MMEL1: variants seen among roughly 807,000 people sequenced by gnomAD.
The protein encoded by MMEL1 is membrane metallo-endopeptidase-like 1.
A neutral mutation model predicts 117.1 loss-of-function variants in MMEL1; 98 were observed. The ratio of observed to expected loss-of-function variants is 0.84; its 90% CI spans 0.71 to 0.99. MMEL1 has a LOEUF of 0.99. Ranked by LOEUF, MMEL1 falls within the 50% of genes least tolerant of loss-of-function variation. The pLI is 0.00. For synonymous variants in MMEL1, 390 were observed against 415.1 expected, an observed-to-expected ratio of 0.94 and a Z score of 0.74; for missense variants, 1,014 against 1,049.1, an observed-to-expected ratio of 0.97 and a Z score of 0.46.
At chr1:2,594,728 G>A (rs1644803682) in intron 17 of MMEL1, 62 bp downstream of exon 17, 1 of 1,428,644 alleles carries the variant, frequency 7.0e-7, no homozygotes. Flanking sequence ...AGGCAGCCCT[G>A]CACGCCTTAC....
chr1:2,626,823 T>C (rs1232742554), intron 2 of MMEL1, among the ~76,000 whole-genome samples: 1 of 151,888 alleles, frequency 6.6e-6, no homozygotes, highest in African/African-American at 2.4e-5. Context: ...ATAGAGGAAA[T>C]AATGATAGGT....
Position 2,595,306 on chromosome 1 carries a change from C to A in MMEL1, c.1554G>T (p.Met518Ile). 2 of 1,613,838 alleles carry A rather than the reference C, an allele frequency of 1.2e-6. No individual in the cohort carries two copies. The highest frequency in any genetic ancestry group is 1.7e-6 in the Non-Finnish European group (2 of 1,180,002). ...IGHPDYILEE[M>I]NRRLDEEYSN... ...AGTACTCCTCGTCCAGGCGCCTGTT[C>A]ATCTCCTCCAGGATGTAGTCAGGGT... Residue 518 changes from methionine to isoleucine, a missense_variant, in exon 16 of 24, where the codon ATG (methionine) becomes ATT (isoleucine). Met to Ile is a conservative substitution (Grantham distance 10). Coordinates refer to ENST00000378412, the MANE Select transcript of MMEL1 (RefSeq NM_033467.4). The surrounding 1 kb of genome is among the most constrained non-coding windows in gnomAD (Gnocchi z 4.8).
Position 2,595,626 on chromosome 1 carries a change from G to A in MMEL1, c.1501-267C>T, listed in dbSNP as rs1156517115. On this transcript the variant is annotated intron_variant, in intron 15 of 23. Coordinates refer to ENST00000378412, the MANE Select transcript of MMEL1 (RefSeq NM_033467.4). This position sits in a 1 kb window ranked among gnomAD's most constrained non-coding sequence, Gnocchi z 4.8. ...CCCGCCAGGGGTCCGGGTGGGGGCAGGGGCCCTGGAGGGGTCACTCGGCTG... is the reference window on the plus strand; with the variant it reads ...CCCGCCAGGGGTCCGGGTGGGGGCAAGGGCCCTGGAGGGGTCACTCGGCTG... Among the ~76,000 whole-genome samples, 3 of 152,144 alleles carry A rather than the reference G, an allele frequency of 2.0e-5. No individual in the cohort carries two copies. The highest frequency in any genetic ancestry group is 7.2e-5 in the African/African-American group (3 of 41,432).
At position 2,596,030 on chromosome 1, in the gene MMEL1, G is replaced by A; in HGVS notation, c.1479C>T (p.Ser493=). The change falls in exon 15 of 24, where the codon TCC becomes TCT. Residue 493 remains serine (S), a synonymous_variant. Coordinates refer to ENST00000378412, the MANE Select transcript of MMEL1 (RefSeq NM_033467.4). ...ATACCTTCTCCTGCGCCTTCTTCTT[G>A]GACTCCTCGTCCATCCAGCCCAGCT... ...LDELGWMDEE[S]KKKAQEKAMS... 1 of 1,613,880 alleles carries A rather than the reference G, an allele frequency of 6.2e-7. No individual in the cohort carries two copies.
intron 2 of MMEL1, 100 bp downstream of exon 2, chr1:2,629,231 C>A (rs1638418172): frequency 7.7e-7 from 1 of 1,305,774 alleles, no homozygotes; most frequent in Non-Finnish European, 1.0e-6. Flanking sequence ...ATCTGACGGG[C>A]GGGCTCGGGC....
At chr1:2,618,958 C>T (rs572914196) in intron 2 of MMEL1, among the ~76,000 whole-genome samples, 24 of 152,306 alleles carry the variant, frequency 1.6e-4, no homozygotes, top group African/African-American at 5.3e-4. Context: ...CATGTGACTC[C>T]GTAGTTGCTC....
chr1:2,609,345 TCATGCAGGAGCGGTA>T lies in MMEL1; in HGVS notation c.514_528del (p.Tyr172_Met176del). ...CCTGGCGGCCCCCACTCACTCTGGTTCATGCAGGAGCGGTACAGCGTCCTGGCCTTCTCCACAGCC... is the reference window on the plus strand; with the variant it reads ...CCTGGCGGCCCCCACTCACTCTGGTTCAGCGTCCTGGCCTTCTCCACAGCC... On this transcript the variant is annotated inframe_deletion, in exon 6 of 24. Transcript: ENST00000378412. The T allele has an allele frequency of 6.2e-7, 1 of 1,611,096 alleles. No homozygotes were observed. Among genetic ancestry groups the T allele is most frequent in the Non-Finnish European group, 8.5e-7 (1 of 1,179,158 alleles).
At chr1:2,615,586 G>A (rs1645188425) in intron 2 of MMEL1, among the ~76,000 whole-genome samples, 1 of 152,182 alleles carries the variant, frequency 6.6e-6, no homozygotes, top group African/African-American at 2.4e-5. Context: ...GGGGAAATGT[G>A]AATTGAGTGT....
rs960027305 is a variant in MMEL1 at position 2,608,391 on chromosome 1, G to A, written c.535+948C>T. 3.3e-5 allele frequency among the ~76,000 whole-genome samples: 5 copies of A among 152,174 alleles called. No individual in the cohort carries two copies. In the East Asian group the frequency reaches 7.7e-4, roughly 23 times the overall value. On this transcript the variant is annotated intron_variant, in intron 6 of 23. Coordinates refer to ENST00000378412, the MANE Select transcript of MMEL1 (RefSeq NM_033467.4). ...TCCAAGCACGTGAATTCCTTTAATA[G>A]GAACTGAAACATGGATAATCTGCCC...
At position 2,606,318 on chromosome 1, in the gene MMEL1, A is replaced by G; in HGVS notation, c.680T>C (p.Phe227Ser). The change falls in exon 8 of 24, where the codon TTC (phenylalanine) becomes TCC (serine). Residue 227 changes from phenylalanine to serine, a missense_variant. Phe to Ser is a radical substitution (Grantham distance 155). Coordinates refer to ENST00000378412, the MANE Select transcript of MMEL1 (RefSeq NM_033467.4). The stretch of plus-strand genomic sequence containing the variant: ...GAGGTCGATGAGGACGCGCCTGTTG[A>G]ACTGTGAGTTCATCAGCGCCAGCTG... ...ERQLALMNSQ[F>S]NRRVLIDLFI... The G allele has an allele frequency of 6.2e-7, 1 of 1,612,850 alleles. No homozygotes were observed. Among genetic ancestry groups the G allele is most frequent in the Non-Finnish European group, 8.5e-7 (1 of 1,179,932 alleles).
rs545751867 is a variant in MMEL1, at chr1:2,594,223, G to C, written c.1747+162C>G. 5 of 883,092 alleles carry C rather than the reference G, an allele frequency of 5.7e-6. No individual in the cohort carries two copies. In the Admixed American group the frequency reaches 6.4e-5, roughly 11 times the overall value. 54.7% of individuals were successfully genotyped at this position (883,092 alleles called of 1,614,324 possible). On this transcript the variant is annotated intron_variant, in intron 18 of 23. Coordinates refer to ENST00000378412, the MANE Select transcript of MMEL1 (RefSeq NM_033467.4). ...CTCCCGAAGCCGCTCATGGGCACGG[G>C]AGTGAGTGTTCCCCACGGGGGCAGC... is the stretch of plus-strand genomic sequence containing the variant.
At chr1:2,614,087 C>T (rs181214304) in intron 2 of MMEL1, among the ~76,000 whole-genome samples, 447 of 152,222 alleles carry the variant, frequency 2.9e-3, no homozygotes, top group Non-Finnish European at 4.7e-3. Flanking sequence ...CTATTCTGTA[C>T]GATACTGTGG....
intron 2 of MMEL1, among the ~76,000 whole-genome samples, chr1:2,625,011 C>T (rs1020310176): frequency 3.3e-5 from 5 of 152,172 alleles, no homozygotes; most frequent in Non-Finnish European, 5.9e-5. Flanking sequence ...ATCACGAGAA[C>T]TGCAAGAGGG....
At chr1:2,631,439 T>C (rs1007468577) in intron 1 of MMEL1, among the ~76,000 whole-genome samples, 2 of 150,492 alleles carry the variant, frequency 1.3e-5, no homozygotes, top group Non-Finnish European at 3.0e-5. Context: ...TGTCCCTGAC[T>C]CCCTGGGAGA....
At chr1:2,596,747 G>A (rs535402049) in intron 13 of MMEL1, 58 bp from the exon 14 acceptor site, 19 of 1,599,282 alleles carry the variant, frequency 1.2e-5, no homozygotes, top group East Asian at 8.9e-5. Context: ...CAGGCCTGGC[G>A]TGGGGCCCTG....
At position 2,591,735 on chromosome 1, in the gene MMEL1, G is replaced by A; in HGVS notation, c.2164-102C>T. 1.9e-5 allele frequency: 22 copies of A among 1,129,942 alleles called. No individual in the cohort carries two copies. In the South Asian group the frequency reaches 2.6e-4, roughly 13 times the overall value. 70.0% of individuals were successfully genotyped at this position (1,129,942 alleles called of 1,614,324 possible). Reference sequence around the variant, plus strand: ...CCCCAGGCTGCCCCTTCTAGGGTGGGGTGAGGGGAGTCAGCAGGTGCTCCC... The same window carrying A: ...CCCCAGGCTGCCCCTTCTAGGGTGGAGTGAGGGGAGTCAGCAGGTGCTCCC... On this transcript the variant is annotated intron_variant, in intron 22 of 23. Transcript: ENST00000378412.
In MMEL1 at chr1:2,595,202, A is replaced by G; in HGVS notation, c.1584+74T>C. 2 of 1,381,216 alleles carry G rather than the reference A, an allele frequency of 1.4e-6. No homozygotes were observed. The highest frequency in any genetic ancestry group is 2.0e-6 in the Non-Finnish European group (2 of 983,368). 85.6% of individuals were successfully genotyped at this position (1,381,216 alleles called of 1,614,324 possible). ...GGGAGGAGGGCACAGAGCTTGGCAC[A>G]GAGGAGCCCCCAGGCAATCAGGGCC... is the stretch of plus-strand genomic sequence containing the variant. On this transcript the variant is annotated intron_variant, in intron 16 of 23. Transcript: ENST00000378412. This position sits in a 1 kb window ranked among gnomAD's most constrained non-coding sequence, Gnocchi z 4.8.
chr1:2,592,052 G>A lies in MMEL1; in HGVS notation c.2068-25C>T, dbSNP rs372652672. ...CCTGCAGGCACCAGACAGGAGCTGAGCTCAGGCCTGCCAGCCTGGACTCCA... is the reference window on the plus strand; with the variant it reads ...CCTGCAGGCACCAGACAGGAGCTGAACTCAGGCCTGCCAGCCTGGACTCCA... On this transcript the variant is annotated intron_variant, in intron 21 of 23. Coordinates refer to ENST00000378412, the MANE Select transcript of MMEL1 (RefSeq NM_033467.4). The A allele has an allele frequency of 5.2e-5, 82 of 1,591,064 alleles. No individual in the cohort carries two copies. The East Asian group carries it at 5.6e-4, about 11-fold the overall frequency.
At position 2,592,964 on chromosome 1, in the gene MMEL1, G is replaced by C. The variant is rs767043140; in HGVS notation, c.1870C>G (p.Arg624Gly). The C allele has an allele frequency of 3.1e-6, 5 of 1,612,972 alleles. No homozygotes were observed. Among genetic ancestry groups the C allele is most frequent in the Admixed American group, 1.7e-5 (1 of 59,978 alleles). Residue 624 changes from arginine (R) to glycine (G), a missense_variant and splice_region_variant, in exon 20 of 24, where the codon CGG becomes GGG. Arg to Gly is a moderately radical substitution (Grantham distance 125, BLOSUM62 -2). Transcript: ENST00000378412. The part of the protein sequence containing the change: ...EITHGFDDNG[R>G]NFDKNGNMMD... ...ATGTTGCCATTCTTGTCGAAGTTCC[G>C]GCCTGGGCAGGGGCAGAGGAGGGCT...
Sources: allele counts gnomAD v4.1 joint callset (sites outside exome capture counted in the v4.1 genomes callset), GRCh38; gene constraint gnomAD v4.1.1; non-coding constraint Gnocchi (gnomAD v3.1); transcripts MANE v1.5; gene names NCBI Gene and HGNC (gene_info 2026-07-23, HGNC 2026-07-21).